KHDRBS3: variants seen among roughly 807,000 people sequenced by gnomAD.
KHDRBS3 encodes the protein KH domain-containing, RNA-binding, signal transduction-associated protein 3.
KHDRBS3 carries 23 observed loss-of-function variants against 45.6 expected under a neutral mutation model. That is an observed-to-expected ratio of 0.50 (90% CI 0.36 to 0.72). The LOEUF (loss-of-function observed/expected upper bound fraction) is 0.72. Among genes scored for constraint, KHDRBS3 ranks in the 30% least tolerant of loss-of-function variants. KHDRBS3 has a pLI of 0.00. For synonymous variants in KHDRBS3, 162 were observed against 156.5 expected, an observed-to-expected ratio of 1.04 and a Z score of -0.26; for missense variants, 352 against 424.8, an observed-to-expected ratio of 0.83 and a Z score of 1.51.
At chr8:135,477,605 A>G (rs1043911326) in intron 1 of KHDRBS3, among the ~76,000 whole-genome samples, 1 of 152,250 alleles carries the variant, frequency 6.6e-6, no homozygotes, top group African/African-American at 2.4e-5. Flanking sequence ...TGCTGTCTGC[A>G]GTAGGTTGAA....
rs150665599 is a variant in KHDRBS3, at chr8:135,498,843, G to T, written c.89-22394G>T. Reference sequence around the variant, plus strand: ...GATCTGGTCCCCATGCGCACAATCAGGTGTGGAGACAGCACTAATACCTGT... The same window carrying T: ...GATCTGGTCCCCATGCGCACAATCATGTGTGGAGACAGCACTAATACCTGT... On this transcript the variant is annotated intron_variant, in intron 1 of 8. Coordinates refer to ENST00000355849, the MANE Select transcript of KHDRBS3 (RefSeq NM_006558.3). 1.1e-4 allele frequency among the ~76,000 whole-genome samples: 17 copies of T among 152,268 alleles called. No individual in the cohort carries two copies. In the East Asian group the frequency reaches 3.1e-3, roughly 28 times the overall value.
chr8:135,515,365 TAAAAAAAAAAAAAAAAAAAAAA>T (rs59502823), intron 1 of KHDRBS3, among the ~76,000 whole-genome samples: 29 of 39,742 alleles, frequency 7.3e-4, no homozygotes, highest in African/African-American at 1.1e-3. Flanking sequence ...GACTCCGTCT[TAAAAAAAAAAAAAAAAAAAAAA>T]AAAAAAAAAA....
At chr8:135,650,760 C>T (rs1327889918), downstream of KHDRBS3, among the ~76,000 whole-genome samples, 1 of 152,174 alleles carries the variant, frequency 6.6e-6, no homozygotes, top group Non-Finnish European at 1.5e-5. Flanking sequence ...GAGTATCTCA[C>T]ACAACACTGA....
intron 6 of KHDRBS3, among the ~76,000 whole-genome samples, chr8:135,590,908 G>A (rs999478596): frequency 2.0e-5 from 3 of 152,264 alleles, no homozygotes; most frequent in African/African-American, 7.2e-5. Context: ...TCAATTCTAA[G>A]CATTTGAGGC....
At chr8:135,609,883 G>A (rs988231384) in intron 7 of KHDRBS3, among the ~76,000 whole-genome samples, 3 of 151,810 alleles carry the variant, frequency 2.0e-5, no homozygotes, top group South Asian at 4.1e-4. Context: ...AAAGAGAAGC[G>A]ACTTAATATT....
chr8:135,518,157 T>C (rs1756470072), intron 1 of KHDRBS3, among the ~76,000 whole-genome samples: 3 of 152,118 alleles, frequency 2.0e-5, no homozygotes. Flanking sequence ...ATTACTAAAC[T>C]ACTTTGTTTT....
chr8:135,575,933 G>T lies in KHDRBS3; in HGVS notation c.612-5945G>T, dbSNP rs115204246. On this transcript the variant is annotated intron_variant, in intron 5 of 8. Transcript: ENST00000355849. ...CAGAATCCCTGGAATACAACATCAC[G>T]TTGAGTTGTCCTGTCTCCTTAGGCT... Among the ~76,000 whole-genome samples the T allele has an allele frequency of 5.9e-3, 902 of 152,260 alleles. 4 individuals are homozygous for T. Among genetic ancestry groups the T allele is most frequent in the Middle Eastern group, 0.017 (5 of 294 alleles).
chr8:135,644,039 TAAC>T (rs1174131682), intron 7 of KHDRBS3, among the ~76,000 whole-genome samples: 2 of 152,144 alleles, frequency 1.3e-5, no homozygotes, highest in African/African-American at 4.8e-5. Context: ...CAGTCTAAGA[TAAC>T]AAATTCAGGA....
At chr8:135,600,419 G>A (rs1829155797) in intron 6 of KHDRBS3, among the ~76,000 whole-genome samples, 1 of 152,198 alleles carries the variant, frequency 6.6e-6, no homozygotes, top group African/African-American at 2.4e-5. Context: ...TGTAGAGGAA[G>A]CGGGGATGGG....
intron 3 of KHDRBS3, among the ~76,000 whole-genome samples, chr8:135,545,908 C>T (rs1012062829): frequency 2.0e-5 from 3 of 152,126 alleles, no homozygotes; most frequent in East Asian, 1.9e-4. Context: ...GAGGCCAAGG[C>T]GGGGTGATCA....
At chr8:135,580,955 T>C (rs1203149531) in intron 5 of KHDRBS3, among the ~76,000 whole-genome samples, 1 of 152,240 alleles carries the variant, frequency 6.6e-6, no homozygotes. Context: ...GGCTTTTTTT[T>C]TCTCTTTAGC....
chr8:135,544,669 A>G (rs1256731916), intron 3 of KHDRBS3, among the ~76,000 whole-genome samples: 2 of 152,186 alleles, frequency 1.3e-5, no homozygotes, highest in African/African-American at 4.8e-5. Context: ...CCTCTTGACT[A>G]CCTGGCTGAA....
intron 7 of KHDRBS3, among the ~76,000 whole-genome samples, chr8:135,633,306 A>G (rs1830681297): frequency 6.6e-6 from 1 of 152,316 alleles, no homozygotes; most frequent in Admixed American, 6.5e-5. Context: ...GTCTCACTAG[A>G]GCAGGAGCTC....
rs190896449 is a variant in KHDRBS3 at position 135,518,170 on chromosome 8, T to G, written c.89-3067T>G. 8.7e-4 allele frequency among the ~76,000 whole-genome samples: 133 copies of G among 152,140 alleles called. 1 individual carries two copies. In the Middle Eastern group the frequency reaches 0.014, roughly 16 times the overall value. Reference sequence around the variant, plus strand: ...CAATTACTAAACTACTTTGTTTTTTTTTGTTGTTGTTGTTGTTTTTGAGAC... The same window carrying G: ...CAATTACTAAACTACTTTGTTTTTTGTTGTTGTTGTTGTTGTTTTTGAGAC... On this transcript the variant is annotated intron_variant, in intron 1 of 8. Coordinates refer to ENST00000355849, the MANE Select transcript of KHDRBS3 (RefSeq NM_006558.3).
At chr8:135,555,352 T>A (rs1471601111) in intron 4 of KHDRBS3, among the ~76,000 whole-genome samples, 1 of 152,044 alleles carries the variant, frequency 6.6e-6, no homozygotes, top group Non-Finnish European at 1.5e-5. Context: ...GTAAACTCTC[T>A]TAAAATATTG....
chr8:135,629,558 C>T (rs1586830581), intron 7 of KHDRBS3, among the ~76,000 whole-genome samples: 2 of 152,346 alleles, frequency 1.3e-5, no homozygotes, highest in East Asian at 3.9e-4. Context: ...GGATTCAAAA[C>T]TCAGAGAGCC....
chr8:135,524,675 TCA>T (rs547981413), intron 2 of KHDRBS3, among the ~76,000 whole-genome samples: 104 of 152,096 alleles, frequency 6.8e-4, no homozygotes, highest in African/African-American at 2.4e-3. Context: ...TTTGTCACTC[TCA>T]CAAAAGTTTC....
chr8:135,489,033 A>G (rs1823006685), intron 1 of KHDRBS3, among the ~76,000 whole-genome samples: 1 of 152,194 alleles, frequency 6.6e-6, no homozygotes, highest in African/African-American at 2.4e-5. Flanking sequence ...AAGCCCAGTA[A>G]TGTACCTGCT....
At chr8:135,563,464 G>A (rs1827260960) in intron 5 of KHDRBS3, among the ~76,000 whole-genome samples, 1 of 152,192 alleles carries the variant, frequency 6.6e-6, no homozygotes, top group Non-Finnish European at 1.5e-5. Flanking sequence ...TCAGCCAGAA[G>A]CTGGCTCAGA....
Sources: allele counts gnomAD v4.1 joint callset (sites outside exome capture counted in the v4.1 genomes callset), GRCh38; gene constraint gnomAD v4.1.1; transcripts MANE v1.5; gene names NCBI Gene and HGNC (gene_info 2026-07-23, HGNC 2026-07-21).